The following NPFFR2 variants were observed in gnomAD, a reference collection of about 807,000 sequenced individuals.
NPFFR2 encodes neuropeptide FF receptor 2, also known as G-protein coupled receptor 74.
In NPFFR2, 15 loss-of-function variants were observed where a neutral mutation model predicts 13.1. The observed-to-expected ratio is 1.15, with a 90% confidence interval of 0.77 to 1.76. The LOEUF is 1.76. NPFFR2 is among the 40% of genes most tolerant of loss of function. The probability of loss-of-function intolerance (pLI) is 0.00; values close to 1 mark genes in which losing one functional copy is unlikely to be tolerated. For missense variants in NPFFR2, 572 were observed against 503.5 expected (o/e 1.14, Z -1.30); for synonymous variants, 190 against 175.7 (o/e 1.08, Z -0.65).
chr4:72,068,853 TATCTTATC>T, intron 1 of NPFFR2: 1 of 294,394 alleles, frequency 3.4e-6, no homozygotes. Flanking sequence ...TTTTTTTTTT[TATCTTATC>T]TTTTTTCCTG....
At position 72,130,938 on chromosome 4, in the gene NPFFR2, C is replaced by T. The variant is rs553887081; in HGVS notation, c.328+2019C>T. Among the ~76,000 whole-genome samples the T allele has an allele frequency of 1.8e-4, 28 of 152,130 alleles. 1 individual carries two copies. Among genetic ancestry groups the T allele is most frequent in the African/African-American group, 5.3e-4 (22 of 41,510 alleles). On this transcript the variant is annotated intron_variant, in intron 2 of 3. Coordinates refer to ENST00000308744, the MANE Select transcript of NPFFR2 (RefSeq NM_004885.3). ...GGTGAATGTGGAGGATTTTATTGAG[C>T]GGTGGAAGTGGCTCTCAGCAGGATA...
Position 72,146,978 on chromosome 4 carries a change from G to A in NPFFR2, c.429G>A (p.Arg143=). 1 of 1,598,734 alleles carries A rather than the reference G, an allele frequency of 6.3e-7. No individual in the cohort carries two copies. Among genetic ancestry groups the A allele is most frequent in the African/African-American group, 1.3e-5 (1 of 74,498 alleles). ...CATTTATATTTGTGTTTAATTGCAG[G>A]TTCCAGTGTGTGGTCTACCCTTTTA... is the stretch of plus-strand genomic sequence containing the variant. ...VFTLVAIAVD[R]FQCVVYPFKP... The change falls in exon 4 of 4, where the codon AGG becomes AGA. Residue 143 remains arginine, a splice_region_variant and synonymous_variant. Coordinates refer to ENST00000308744, the MANE Select transcript of NPFFR2 (RefSeq NM_004885.3).
At chr4:72,068,921 A>C in intron 1 of NPFFR2, 1 of 1,231,078 alleles carries the variant, frequency 8.1e-7, no homozygotes, top group South Asian at 1.6e-5. Context: ...AGGTCTCCTC[A>C]GTTGCGAAAT....
chr4:72,041,863 T>C (rs569849066), intron 1 of NPFFR2, among the ~76,000 whole-genome samples: 1 of 152,316 alleles, frequency 6.6e-6, no homozygotes, highest in African/African-American at 2.4e-5. Context: ...TGATTTAAGC[T>C]CCTTATAGAT....
chr4:72,088,133 G>T (rs761256890), intron 1 of NPFFR2, among the ~76,000 whole-genome samples: 1 of 151,906 alleles, frequency 6.6e-6, no homozygotes. Flanking sequence ...GGATAATAGC[G>T]ACTTAAAATA....
chr4:72,127,859 C>T (rs946553143), intron 1 of NPFFR2, among the ~76,000 whole-genome samples: 4 of 151,860 alleles, frequency 2.6e-5, no homozygotes, highest in African/African-American at 7.3e-5. Flanking sequence ...GTGGGTGGAT[C>T]ACTCGAACTC....
chr4:72,070,319 C>A (rs1167867216), intron 1 of NPFFR2, among the ~76,000 whole-genome samples: 1 of 152,148 alleles, frequency 6.6e-6, no homozygotes, highest in African/African-American at 2.4e-5. Context: ...CCTCACTTCA[C>A]TTCTAGGTTT....
intron 1 of NPFFR2, among the ~76,000 whole-genome samples, chr4:72,094,139 C>G (rs1264992833): frequency 6.6e-6 from 1 of 152,176 alleles, no homozygotes; most frequent in South Asian, 2.1e-4. Context: ...TGCCAGGCTC[C>G]ACCTGGTGCT....
At chr4:72,103,642 A>G (rs1036985267) in intron 1 of NPFFR2, among the ~76,000 whole-genome samples, 1 of 152,146 alleles carries the variant, frequency 6.6e-6, no homozygotes, top group Non-Finnish European at 1.5e-5. Context: ...ATAATTGTAT[A>G]TCATCAAAAA....
At chr4:72,081,670 T>G (rs1720626161) in intron 1 of NPFFR2, among the ~76,000 whole-genome samples, 1 of 151,892 alleles carries the variant, frequency 6.6e-6, no homozygotes, top group South Asian at 2.1e-4. Flanking sequence ...TCTATTTTTT[T>G]GTGGAGATGG....
chr4:72,132,633 T>C (rs759282093), intron 2 of NPFFR2, among the ~76,000 whole-genome samples: 7 of 152,208 alleles, frequency 4.6e-5, no homozygotes, highest in Admixed American at 2.6e-4. Flanking sequence ...AAAGTGTTTA[T>C]TTTTCTCCAC....
At chr4:72,087,232 G>A (rs1720796810) in intron 1 of NPFFR2, among the ~76,000 whole-genome samples, 1 of 152,134 alleles carries the variant, frequency 6.6e-6, no homozygotes, top group Non-Finnish European at 1.5e-5. Flanking sequence ...TATGGTCAAC[G>A]CAGCAGCTTG....
chr4:72,080,622 T>G (rs1431056298), intron 1 of NPFFR2, among the ~76,000 whole-genome samples: 1 of 152,162 alleles, frequency 6.6e-6, no homozygotes. Flanking sequence ...GTTCCTCAAT[T>G]TCAGCTGAGA....
chr4:72,095,064 C>T (rs144552566), intron 1 of NPFFR2, among the ~76,000 whole-genome samples: 1 of 152,288 alleles, frequency 6.6e-6, no homozygotes, highest in Admixed American at 6.5e-5. Flanking sequence ...TACATCTTCC[C>T]TCTTCCAAGG....
intron 2 of NPFFR2, among the ~76,000 whole-genome samples, chr4:72,134,410 A>T (rs966158315): frequency 6.6e-6 from 1 of 152,104 alleles, no homozygotes; most frequent in Admixed American, 6.6e-5. Flanking sequence ...TCAAACTCTC[A>T]TAGATGTAAA....
chr4:72,102,317 C>T (rs998554973), intron 1 of NPFFR2, among the ~76,000 whole-genome samples: 3 of 151,934 alleles, frequency 2.0e-5, no homozygotes, highest in Non-Finnish European at 4.4e-5. Context: ...GGAAAGTATA[C>T]TAAAAAATCT....
intron 1 of NPFFR2, among the ~76,000 whole-genome samples, chr4:72,055,533 T>C (rs1208137397): frequency 6.6e-6 from 1 of 151,940 alleles, no homozygotes; most frequent in African/African-American, 2.4e-5. Flanking sequence ...ATTAGGCCAA[T>C]TAATAACCCT....
chr4:72,056,243 T>A (rs186232289), intron 1 of NPFFR2, among the ~76,000 whole-genome samples: 32 of 152,118 alleles, frequency 2.1e-4, no homozygotes, highest in African/African-American at 7.5e-4. Context: ...CCAATGCTCA[T>A]TGATTATTCC....
chr4:72,084,181 A>G (rs950053593), intron 1 of NPFFR2, among the ~76,000 whole-genome samples: 1 of 152,120 alleles, frequency 6.6e-6, no homozygotes, highest in Admixed American at 6.6e-5. Flanking sequence ...AAAGCAGGTA[A>G]TTTTCTCCCC....
Sources: gnomAD v4.1 joint callset for allele counts (sites outside exome capture counted in the v4.1 genomes callset) on GRCh38, gnomAD v4.1.1 for gene constraint, MANE v1.5 for transcripts, NCBI Gene and HGNC (gene_info 2026-07-23, HGNC 2026-07-21) for gene names.